SMCO2: variants seen among roughly 807,000 people sequenced by gnomAD.
SMCO2 encodes single-pass membrane and coiled-coil domain-containing protein 2.
In SMCO2, 25 loss-of-function variants were observed where a neutral mutation model predicts 29.5. The observed-to-expected ratio is 0.85, with a 90% CI of 0.62 to 1.18. The LOEUF (loss-of-function observed/expected upper bound fraction) is 1.18, where lower values mean the gene tolerates loss of function less well. SMCO2 is among the 50% of genes most tolerant of loss of function. The pLI, the probability that SMCO2 is intolerant of heterozygous loss-of-function variation, is 0.00. For missense variants in SMCO2, 348 were observed against 344.5 expected, an observed-to-expected ratio of 1.01 and a Z score of -0.08; for synonymous variants, 117 against 123.3, an observed-to-expected ratio of 0.95 and a Z score of 0.34.
At chr12:27,436,289 C>A in the SMCO2 span, among the ~76,000 whole-genome samples, 2 of 152,204 alleles carry the variant, frequency 1.3e-5, no homozygotes, top group Non-Finnish European at 2.9e-5. Flanking sequence ...TCAGTATTAA[C>A]AACACAAAGG....
the SMCO2 span, among the ~76,000 whole-genome samples, chr12:27,430,448 T>C: frequency 2.0e-5 from 3 of 152,188 alleles, no homozygotes; most frequent in Admixed American, 2.0e-4. Flanking sequence ...TTTAAAGTTT[T>C]TAATTTATCA....
At chr12:27,474,555 A>G (rs1470660814) in intron 3 of SMCO2, among the ~76,000 whole-genome samples, 2 of 152,144 alleles carry the variant, frequency 1.3e-5, no homozygotes, top group Non-Finnish European at 2.9e-5. Flanking sequence ...TCAGGACTGA[A>G]AAGAGCTCTC....
intron 2 of SMCO2, among the ~76,000 whole-genome samples, chr12:27,472,525 T>G (rs1248096061): frequency 6.6e-6 from 1 of 152,212 alleles, no homozygotes; most frequent in African/African-American, 2.4e-5. Flanking sequence ...CTGCAATTAC[T>G]TTGGAATTTG....
At chr12:27,483,465 T>C (rs990692455) in intron 4 of SMCO2, among the ~76,000 whole-genome samples, 1 of 152,150 alleles carries the variant, frequency 6.6e-6, no homozygotes, top group African/African-American at 2.4e-5. Flanking sequence ...TCACCCAGGC[T>C]GGCGTGCAGT....
chr12:27,457,923 T>C, the SMCO2 span, among the ~76,000 whole-genome samples: 1 of 152,258 alleles, frequency 6.6e-6, no homozygotes, highest in Admixed American at 6.5e-5. Flanking sequence ...CTGTATTCTA[T>C]CTCATTCTTT....
Position 27,469,809 on chromosome 12 carries a change from A to G in SMCO2, c.-10-813A>G, listed in dbSNP as rs994551118. 3.3e-5 allele frequency among the ~76,000 whole-genome samples: 5 copies of G among 152,120 alleles called. No homozygotes were observed. The South Asian group carries it at 1.0e-3, about 32-fold the overall frequency. ...CTGTTTCCTTTCCGTTATTTTTCAC[A>G]CTACTTAAGTACTCCAACAATTCAC... On this transcript the variant is annotated intron_variant, in intron 1 of 7. Coordinates refer to ENST00000298876, the Ensembl canonical transcript of SMCO2.
chr12:27,426,419 A>T, the SMCO2 span, among the ~76,000 whole-genome samples: 110 of 152,290 alleles, frequency 7.2e-4, no homozygotes, highest in Admixed American at 4.7e-3. Flanking sequence ...ATATGTGAGT[A>T]TGGAGGATGG....
the SMCO2 span, among the ~76,000 whole-genome samples, chr12:27,427,287 G>A: frequency 6.6e-6 from 1 of 152,138 alleles, no homozygotes; most frequent in Non-Finnish European, 1.5e-5. Context: ...GTCTCCTCAC[G>A]CCCATAATTT....
intron 4 of SMCO2, among the ~76,000 whole-genome samples, chr12:27,479,221 T>C (rs73302533): frequency 0.015 from 2,213 of 152,058 alleles, 54 homozygotes; most frequent in African/African-American, 0.05. Context: ...GCAGGCCTGG[T>C]TGGCTGATAT....
chr12:27,485,959 G>A (rs1475381709), intron 4 of SMCO2, among the ~76,000 whole-genome samples: 1 of 152,156 alleles, frequency 6.6e-6, no homozygotes, highest in African/African-American at 2.4e-5. Flanking sequence ...TTATTGTAGG[G>A]CAGGACCAAA....
the SMCO2 span, among the ~76,000 whole-genome samples, chr12:27,457,105 G>A: frequency 6.6e-6 from 1 of 151,866 alleles, no homozygotes; most frequent in African/African-American, 2.4e-5. Context: ...AAACGGTTGG[G>A]GACCACTGGT....
exon 5 of SMCO2, chr12:27,488,477 T>G: frequency 6.5e-7 from 1 of 1,535,452 alleles, no homozygotes; most frequent in East Asian, 2.5e-5. Context: ...AAAGACATGC[T>G]GACCCTGAAG....
At chr12:27,447,041 A>G in the SMCO2 span, among the ~76,000 whole-genome samples, 2 of 152,148 alleles carry the variant, frequency 1.3e-5, no homozygotes, top group African/African-American at 4.8e-5. Context: ...CACTGTTCTA[A>G]TGCAGTTTCC....
chr12:27,465,793 A>G (rs1949494340), upstream of SMCO2, among the ~76,000 whole-genome samples: 1 of 152,216 alleles, frequency 6.6e-6, no homozygotes, highest in African/African-American at 2.4e-5. Flanking sequence ...CCAAAAAGCT[A>G]ATAAATGACA....
intron 4 of SMCO2, 119 bp from the exon 5 acceptor site, chr12:27,475,463 A>G (rs1328895470): frequency 2.6e-6 from 3 of 1,149,944 alleles, no homozygotes; most frequent in East Asian, 3.0e-5. Flanking sequence ...CACCTGGCCC[A>G]TTTTGGTGAC....
the SMCO2 span, among the ~76,000 whole-genome samples, chr12:27,460,024 C>T: frequency 1.3e-5 from 2 of 152,188 alleles, no homozygotes; most frequent in Non-Finnish European, 2.9e-5. Context: ...TCTCATCTGC[C>T]TTGAAATTAA....
chr12:27,454,032 T>C, the SMCO2 span, among the ~76,000 whole-genome samples: 1 of 152,196 alleles, frequency 6.6e-6, no homozygotes, highest in Non-Finnish European at 1.5e-5. Flanking sequence ...TCACCCAGGC[T>C]GGAGTGTAGT....
intron 1 of SMCO2, among the ~76,000 whole-genome samples, chr12:27,468,438 T>C (rs1183646331): frequency 3.9e-5 from 6 of 152,242 alleles, no homozygotes; most frequent in Non-Finnish European, 7.3e-5. Flanking sequence ...AAAATGTCAT[T>C]TCTAGAAACA....
At chr12:27,442,282 C>T in the SMCO2 span, among the ~76,000 whole-genome samples, 2 of 151,728 alleles carry the variant, frequency 1.3e-5, no homozygotes, top group African/African-American at 4.8e-5. Flanking sequence ...AAGATAAAAT[C>T]AACAAAACTT....
Sources: allele counts gnomAD v4.1 joint callset (sites outside exome capture counted in the v4.1 genomes callset), GRCh38; gene constraint gnomAD v4.1.1; transcripts MANE v1.5; gene names NCBI Gene and HGNC (gene_info 2026-07-23, HGNC 2026-07-21).